Variants in EIF3E observed in about 807,000 individuals in gnomAD.
EIF3E encodes the protein eukaryotic translation initiation factor 3 subunit E, also known as eIF-3 p48.
Under a neutral mutation model 59.3 loss-of-function variants are expected in EIF3E, and 25 were observed. That is an observed-to-expected ratio of 0.42 (90% confidence interval 0.31 to 0.59). EIF3E has a LOEUF of 0.59. Ranked by LOEUF, EIF3E falls within the 20% of genes least tolerant of loss-of-function variation. The probability of loss-of-function intolerance (pLI) is 0.15; values close to 1 mark genes in which losing one functional copy is unlikely to be tolerated. For synonymous variants in EIF3E, 176 were observed against 170.2 expected, an observed-to-expected ratio of 1.03 and a Z score of -0.26; for missense variants, 317 against 534.3, an observed-to-expected ratio of 0.59 and a Z score of 4.01.
intron 10 of EIF3E, among the ~76,000 whole-genome samples, chr8:108,214,337 G>A (rs1292485185): frequency 6.6e-6 from 1 of 152,106 alleles, no homozygotes; most frequent in African/African-American, 2.4e-5. Flanking sequence ...AGGTACAAGA[G>A]TATTTACTCT....
intron 1 of EIF3E, among the ~76,000 whole-genome samples, chr8:108,246,870 T>C (rs777126450): frequency 2.0e-5 from 3 of 152,240 alleles, no homozygotes; most frequent in Non-Finnish European, 4.4e-5. Context: ...ATTGTAATAA[T>C]ACAGTATAGA....
In EIF3E at chr8:108,236,156, C is replaced by T. The variant is rs745692915; in HGVS notation, c.366+5G>A. The stretch of plus-strand genomic sequence containing the variant: ...ACAACTTTAAAATATTTTTAAAACA[C>T]TTACACCATGCTTGTCCGCCAGGTA... On this transcript the variant is annotated splice_donor_5th_base_variant and intron_variant, in intron 4 of 12. Coordinates refer to ENST00000220849, the MANE Select transcript of EIF3E (RefSeq NM_001568.3). The T allele has an allele frequency of 6.2e-7, 1 of 1,609,726 alleles. No individual in the cohort carries two copies.
At chr8:108,228,447 G>C in intron 6 of EIF3E, 56 bp from the exon 7 acceptor site, 1 of 1,292,212 alleles carries the variant, frequency 7.7e-7, no homozygotes, top group South Asian at 2.2e-5. Flanking sequence ...AAAGAGGCAG[G>C]AGGACAAACA....
At chr8:108,211,171 C>T (rs1815202253) in intron 10 of EIF3E, among the ~76,000 whole-genome samples, 1 of 152,196 alleles carries the variant, frequency 6.6e-6, no homozygotes, top group Non-Finnish European at 1.5e-5. Context: ...GGAATCACCA[C>T]ACTGTCTTCC....
At chr8:108,247,629 T>G (rs887859840) in intron 1 of EIF3E, among the ~76,000 whole-genome samples, 1 of 152,214 alleles carries the variant, frequency 6.6e-6, no homozygotes, top group Non-Finnish European at 1.5e-5. Flanking sequence ...GTTTTTGTTT[T>G]ATTGCTTTTT....
chr8:108,215,762 G>A (rs1283994058), intron 9 of EIF3E, among the ~76,000 whole-genome samples: 1 of 152,164 alleles, frequency 6.6e-6, no homozygotes, highest in African/African-American at 2.4e-5. Context: ...CCAGTAACTT[G>A]TGAATCTGGT....
chr8:108,231,724 C>A (rs1461226011), intron 5 of EIF3E: 4 of 152,066 alleles, frequency 2.6e-5, no homozygotes, highest in Admixed American at 1.3e-4. Context: ...AAAATTCCCA[C>A]CAAACCAGCT....
intron 12 of EIF3E, among the ~76,000 whole-genome samples, chr8:108,202,548 A>C (rs1011040202): frequency 4.6e-5 from 7 of 152,100 alleles, no homozygotes; most frequent in East Asian, 1.9e-4. Context: ...ATGAAAGATA[A>C]TGAAATTTGT....
chr8:108,236,529 G>C (rs1360174901), intron 3 of EIF3E, among the ~76,000 whole-genome samples: 3 of 152,130 alleles, frequency 2.0e-5, no homozygotes, highest in African/African-American at 7.2e-5. Context: ...AAGGTCAGTA[G>C]TCTACTTAGT....
chr8:108,240,659 T>G (rs1260322185), intron 2 of EIF3E, among the ~76,000 whole-genome samples: 2 of 152,166 alleles, frequency 1.3e-5, no homozygotes, highest in African/African-American at 2.4e-5. Flanking sequence ...CATAACCAAC[T>G]CTGGTAACAC....
intron 9 of EIF3E, among the ~76,000 whole-genome samples, chr8:108,215,337 G>A (rs557602419): frequency 6.6e-6 from 1 of 152,132 alleles, no homozygotes; most frequent in South Asian, 2.1e-4. Context: ...TCATCAGGGA[G>A]GCCAGGTGCG....
chr8:108,226,312 G>A (rs1423388842), intron 7 of EIF3E: 1 of 150,856 alleles, frequency 6.6e-6, no homozygotes, highest in Non-Finnish European at 1.5e-5. Context: ...ACCTTCCTCA[G>A]CCTTCTGAGT....
intron 10 of EIF3E, among the ~76,000 whole-genome samples, chr8:108,211,828 G>A (rs1179733600): frequency 1.3e-5 from 2 of 152,152 alleles, no homozygotes; most frequent in Non-Finnish European, 2.9e-5. Context: ...CTGATTCAAT[G>A]GTTTAGGGTG....
chr8:108,205,682 A>G (rs1357757563), intron 10 of EIF3E, among the ~76,000 whole-genome samples: 5 of 152,222 alleles, frequency 3.3e-5, no homozygotes, highest in African/African-American at 1.2e-4. Flanking sequence ...CCCTTTGTCC[A>G]GCATATCGAC....
chr8:108,235,094 C>A lies in EIF3E; in HGVS notation c.375G>T (p.Gln125His). ...ATCTGTAGAGTGTATCTAAATATTC[C>A]TGCCTAAACTAAAAAGAAAAAAAAA... ...DYLADKHGFR[Q>H]EYLDTLYRYA... The change falls in exon 5 of 13, where the codon CAG becomes CAT. Residue 125 changes from glutamine (Q) to histidine (H), a missense_variant. Physicochemically the swap from Gln to His is conservative, Grantham distance 24 (BLOSUM62 0). Transcript: ENST00000220849. 1 of 1,538,630 alleles carries A rather than the reference C, an allele frequency of 6.5e-7. No individual in the cohort carries two copies. Among genetic ancestry groups the A allele is most frequent in the Non-Finnish European group, 8.7e-7 (1 of 1,147,564 alleles).
intron 1 of EIF3E, among the ~76,000 whole-genome samples, 184 bp downstream of exon 1, chr8:108,248,429 G>A (rs1353027501): frequency 6.6e-6 from 1 of 152,070 alleles, no homozygotes; most frequent in African/African-American, 2.4e-5. Context: ...CCTCACTGCC[G>A]AATAGTGCGG....
intron 5 of EIF3E, among the ~76,000 whole-genome samples, chr8:108,231,634 G>A (rs915569695): frequency 2.0e-5 from 3 of 152,060 alleles, no homozygotes; most frequent in Non-Finnish European, 4.4e-5. Flanking sequence ...ATATTATGGA[G>A]CCAGATCAAA....
At position 108,216,524 on chromosome 8, in the gene EIF3E, A is replaced by G. The variant is rs542214336; in HGVS notation, c.850-11T>C. On this transcript the variant is annotated splice_polypyrimidine_tract_variant and intron_variant, in intron 8 of 12. Transcript: ENST00000220849. ...ATATGTGTAAGACTCCTGTAAAAAT[A>G]AGTCAACGGTCAAGGTAAGTCTGAT... 13 of 1,562,600 alleles carry G rather than the reference A, an allele frequency of 8.3e-6. 1 individual carries two copies. The East Asian group carries it at 1.1e-4, about 14-fold the overall frequency.
chr8:108,245,286 T>C (rs1815926007), intron 1 of EIF3E, among the ~76,000 whole-genome samples: 1 of 151,934 alleles, frequency 6.6e-6, no homozygotes, highest in African/African-American at 2.4e-5. Flanking sequence ...GGTAACATGG[T>C]GAAACCCCAT....
Sources: gnomAD v4.1 joint callset for allele counts (sites outside exome capture counted in the v4.1 genomes callset) on GRCh38, gnomAD v4.1.1 for gene constraint, MANE v1.5 for transcripts, NCBI Gene and HGNC (gene_info 2026-07-23, HGNC 2026-07-21) for gene names.